Variants in CFDP1 observed in about 807,000 individuals in gnomAD.
The protein encoded by CFDP1 is chromatin remodeling protein CFDP1, also known as heterochromatin-stabilizing protein CFDP1.
In CFDP1, 31 loss-of-function variants were observed where a neutral mutation model predicts 40.1. The ratio of observed to expected loss-of-function variants is 0.77; its 90% CI spans 0.58 to 1.04. The LOEUF (loss-of-function observed/expected upper bound fraction) is 1.04. CFDP1 is among the 50% of genes least tolerant of loss of function. The pLI, the probability that CFDP1 is intolerant of heterozygous loss-of-function variation, is 0.00. For missense variants in CFDP1, 423 were observed against 343.4 expected (o/e 1.23, Z -1.83); for synonymous variants, 167 against 120.0 (o/e 1.39, Z -2.56).
At chr16:75,297,315 C>CG (rs1456148517) in intron 6 of CFDP1, among the ~76,000 whole-genome samples, 4 of 152,102 alleles carry the variant, frequency 2.6e-5, no homozygotes, top group African/African-American at 4.8e-5. Context: ...CCACTCTGCC[C>CG]GGTCTTGCTT....
At chr16:75,339,790 G>C (rs898489818) in intron 5 of CFDP1, among the ~76,000 whole-genome samples, 2 of 152,180 alleles carry the variant, frequency 1.3e-5, no homozygotes, top group Non-Finnish European at 2.9e-5. Context: ...GCCAACTTGA[G>C]AGCCATCTTA....
intron 5 of CFDP1, among the ~76,000 whole-genome samples, chr16:75,387,430 T>C (rs943278184): frequency 6.6e-6 from 1 of 152,192 alleles, no homozygotes; most frequent in Non-Finnish European, 1.5e-5. Flanking sequence ...CGTGAGCCAC[T>C]GCGCCCGGCC....
intron 5 of CFDP1, among the ~76,000 whole-genome samples, chr16:75,364,951 G>C (rs914639450): frequency 1.3e-5 from 2 of 152,134 alleles, no homozygotes; most frequent in Admixed American, 1.3e-4. Flanking sequence ...TCATTCTGGT[G>C]GATGTTTTTT....
At chr16:75,376,818 C>A (rs1303863451) in intron 5 of CFDP1, among the ~76,000 whole-genome samples, 1 of 152,178 alleles carries the variant, frequency 6.6e-6, no homozygotes, top group African/African-American at 2.4e-5. Flanking sequence ...TATGACAACA[C>A]CTGAGAGTTA....
chr16:75,328,638 G>A (rs1393824941), intron 5 of CFDP1, among the ~76,000 whole-genome samples: 1 of 141,466 alleles, frequency 7.1e-6, no homozygotes, highest in Non-Finnish European at 1.5e-5. Context: ...AGTGGAGGAA[G>A]TCAATAAATA....
At position 75,347,359 on chromosome 16, in the gene CFDP1, A is replaced by AAAAAAAAAAAAAAAAAAAAAAAAG. The variant is rs1555556963; in HGVS notation, c.651-42178_651-42177insCTTTTTTTTTTTTTTTTTTTTTTT. Among the ~76,000 whole-genome samples the AAAAAAAAAAAAAAAAAAAAAAAAG allele has an allele frequency of 6.5e-4, 35 of 53,680 alleles. 1 individual carries two copies. Among genetic ancestry groups the AAAAAAAAAAAAAAAAAAAAAAAAG allele is most frequent in the South Asian group, 9.0e-4 (1 of 1,114 alleles). The allele number at this position is 53,680 out of a possible 152,430, so 35.2% of individuals were successfully genotyped here. ...ACTCCATCTCAAAAAAAAAAAAAAA[A>AAAAAAAAAAAAAAAAAAAAAAAAG]AAAAAGAAAAAGAAAAAGAAAAAGA... On this transcript the variant is annotated intron_variant, in intron 5 of 6. Transcript: ENST00000283882.
intron 1 of CFDP1, among the ~76,000 whole-genome samples, chr16:75,417,364 T>C (rs2079219161): frequency 6.6e-6 from 1 of 152,082 alleles, no homozygotes; most frequent in African/African-American, 2.4e-5. Context: ...CTATGGTCCA[T>C]CTAAATAATG....
At chr16:75,318,340 T>C (rs1238849596) in intron 5 of CFDP1, among the ~76,000 whole-genome samples, 1 of 151,718 alleles carries the variant, frequency 6.6e-6, no homozygotes, top group Non-Finnish European at 1.5e-5. Context: ...GGGCAGAAGA[T>C]CAATATGCCT....
chr16:75,426,772 G>A (rs2079347151), intron 1 of CFDP1, among the ~76,000 whole-genome samples: 1 of 152,074 alleles, frequency 6.6e-6, no homozygotes, highest in Non-Finnish European at 1.5e-5. Flanking sequence ...TGTGACAAAG[G>A]AGCCGGGGGT....
chr16:75,294,434 G>C (rs529246757), intron 6 of CFDP1, among the ~76,000 whole-genome samples: 1 of 152,296 alleles, frequency 6.6e-6, no homozygotes, highest in South Asian at 2.1e-4. Flanking sequence ...TGGTGATGCT[G>C]TTTTTCTTGG....
At chr16:75,349,673 A>AT (rs2078595472) in intron 5 of CFDP1, among the ~76,000 whole-genome samples, 3 of 65,704 alleles carry the variant, frequency 4.6e-5, no homozygotes, top group Admixed American at 2.1e-4. Flanking sequence ...AAAAAAAAAA[A>AT]AAAAAAAAAA....
intron 1 of CFDP1, among the ~76,000 whole-genome samples, chr16:75,429,066 T>C (rs1157324386): frequency 6.7e-6 from 1 of 150,222 alleles, no homozygotes; most frequent in African/African-American, 2.5e-5. Context: ...GCAGGGAGCC[T>C]AGATGCCACC....
chr16:75,399,118 G>A (rs539733628), intron 4 of CFDP1, among the ~76,000 whole-genome samples: 2 of 150,652 alleles, frequency 1.3e-5, no homozygotes, highest in East Asian at 3.9e-4. Flanking sequence ...GCCACTGTCT[G>A]ATTACAACTG....
intron 4 of CFDP1, among the ~76,000 whole-genome samples, chr16:75,410,156 G>C (rs1193472048): frequency 7.1e-6 from 1 of 141,256 alleles, no homozygotes; most frequent in African/African-American, 2.6e-5. Context: ...AATAATTGTT[G>C]AAAACATTAT....
chr16:75,372,038 C>T (rs1430833717), intron 5 of CFDP1, among the ~76,000 whole-genome samples: 1 of 152,114 alleles, frequency 6.6e-6, no homozygotes. Flanking sequence ...AATTATGATC[C>T]CTATTTTACA....
rs1567672103 is a variant in CFDP1 at position 75,399,075 on chromosome 16, A to AAAAAG, written c.531-3871_531-3867dup. ...CCGTCTCAAAAAAAAAAAAAAAAAA[A>AAAAAG]AAAAGAAAACCTGTGAAGTGGTTCC... On this transcript the variant is annotated intron_variant, in intron 4 of 6. Coordinates refer to ENST00000283882, the MANE Select transcript of CFDP1 (RefSeq NM_006324.3). Among the ~76,000 whole-genome samples the AAAAAG allele has an allele frequency of 8.1e-5, 12 of 148,990 alleles. 2 individuals carry two copies. Among genetic ancestry groups the AAAAAG allele is most frequent in the East Asian group, 4.0e-4 (2 of 5,056 alleles).
chr16:75,337,756 G>T (rs964213364), intron 5 of CFDP1, among the ~76,000 whole-genome samples: 1 of 152,042 alleles, frequency 6.6e-6, no homozygotes, highest in East Asian at 1.9e-4. Context: ...ACAGCAAGGG[G>T]GAAGTCCATG....
At chr16:75,406,325 C>T (rs1437066307) in intron 4 of CFDP1, among the ~76,000 whole-genome samples, 3 of 151,972 alleles carry the variant, frequency 2.0e-5, no homozygotes, top group Non-Finnish European at 2.9e-5. Context: ...TGTAGTGGGC[C>T]ATGAGGGAGC....
At chr16:75,383,817 TAAAAAA>T (rs35216321) in intron 5 of CFDP1, among the ~76,000 whole-genome samples, 2 of 127,406 alleles carry the variant, frequency 1.6e-5, no homozygotes, top group Admixed American at 8.2e-5. Context: ...GACTCCGTCT[TAAAAAA>T]AAAAAAAAAA....
Sources: allele counts gnomAD v4.1 joint callset (sites outside exome capture counted in the v4.1 genomes callset), GRCh38; gene constraint gnomAD v4.1.1; transcripts MANE v1.5; gene names NCBI Gene and HGNC (gene_info 2026-07-23, HGNC 2026-07-21).